RABGAP1L: variants seen among roughly 807,000 people sequenced by gnomAD.
The protein encoded by RABGAP1L is RAB GTPase activating protein 1 like, also known as rab GTPase-activating protein 1-like.
Under a neutral mutation model 137.7 loss-of-function variants are expected in RABGAP1L, and 63 were observed. That is an observed-to-expected ratio of 0.46 (90% CI 0.37 to 0.56). The LOEUF is 0.56. Ranked by LOEUF, RABGAP1L falls within the 20% of genes least tolerant of loss-of-function variation. The pLI is 0.00. For missense variants in RABGAP1L, 1,095 were observed against 1,244.0 expected (o/e 0.88, Z 1.80); for synonymous variants, 431 against 433.7 (o/e 0.99, Z 0.08).
rs535130757 is a variant in RABGAP1L at position 174,461,813 on chromosome 1, T to C, written c.1710+67668T>C. On this transcript the variant is annotated intron_variant, in intron 13 of 25. Transcript: ENST00000681986. ...TATCATTTAATATAGCTTCCCACTT[T>C]AATTGAATTTTTCCTTCCAAAATTG... Among the ~76,000 whole-genome samples the C allele has an allele frequency of 2.6e-5, 4 of 152,296 alleles. No homozygotes were observed. In the South Asian group the frequency reaches 8.3e-4, roughly 32 times the overall value.
At chr1:174,547,666 T>C (rs900682594) in intron 13 of RABGAP1L, among the ~76,000 whole-genome samples, 1 of 152,156 alleles carries the variant, frequency 6.6e-6, no homozygotes, top group Non-Finnish European at 1.5e-5. Flanking sequence ...CTTAACTTTC[T>C]TTAAATGTGT....
chr1:174,885,638 G>T (rs1179758085), intron 19 of RABGAP1L, among the ~76,000 whole-genome samples: 1 of 151,874 alleles, frequency 6.6e-6, no homozygotes, highest in Admixed American at 6.6e-5. Flanking sequence ...TTACAAGCGT[G>T]AGCTACCACA....
At chr1:174,272,305 T>C in intron 7 of RABGAP1L, 109 bp from the exon 8 acceptor site, 1 of 1,151,732 alleles carries the variant, frequency 8.7e-7, no homozygotes, top group East Asian at 2.9e-5. Flanking sequence ...CTAAAGCTTA[T>C]AAATACAGAG....
At chr1:174,364,271 T>G (rs1311871830) in intron 11 of RABGAP1L, among the ~76,000 whole-genome samples, 3 of 123,096 alleles carry the variant, frequency 2.4e-5, no homozygotes, top group African/African-American at 1.1e-4. Context: ...TTTTTTTTTT[T>G]TGAGACGGAG....
At chr1:174,971,685 G>A (rs1670144878) in intron 21 of RABGAP1L, among the ~76,000 whole-genome samples, 1 of 152,172 alleles carries the variant, frequency 6.6e-6, no homozygotes, top group Non-Finnish European at 1.5e-5. Flanking sequence ...TTACCAAAAA[G>A]CTGTCCCTGC....
chr1:174,858,969 A>G (rs1649763522), intron 19 of RABGAP1L, among the ~76,000 whole-genome samples: 1 of 152,228 alleles, frequency 6.6e-6, no homozygotes, highest in South Asian at 2.1e-4. Flanking sequence ...GGGAGTGTAA[A>G]TTAGTTCAAC....
intron 1 of RABGAP1L, among the ~76,000 whole-genome samples, chr1:174,198,006 A>G (rs1667823208): frequency 6.6e-6 from 1 of 152,208 alleles, no homozygotes; most frequent in African/African-American, 2.4e-5. Flanking sequence ...AGGAGATTAC[A>G]TAGCATACTC....
intron 11 of RABGAP1L, among the ~76,000 whole-genome samples, chr1:174,326,836 A>G (rs145066929): frequency 2.6e-5 from 4 of 152,344 alleles, no homozygotes; most frequent in East Asian, 3.9e-4. Flanking sequence ...GGGAATTTCC[A>G]TACTCCTGGA....
intron 19 of RABGAP1L, among the ~76,000 whole-genome samples, chr1:174,889,135 T>G (rs2149112120): frequency 6.6e-6 from 1 of 151,886 alleles, no homozygotes; most frequent in East Asian, 1.9e-4. Flanking sequence ...TAACTTTTTT[T>G]TTTTTTGAGA....
In RABGAP1L at chr1:174,278,606, A is replaced by G. The variant is rs1020495844; in HGVS notation, c.1157-7A>G. 1.9e-6 allele frequency: 3 copies of G among 1,600,084 alleles called. No homozygotes were observed. Among genetic ancestry groups the G allele is most frequent in the Non-Finnish European group, 2.6e-6 (3 of 1,175,668 alleles). On this transcript the variant is annotated splice_region_variant and splice_polypyrimidine_tract_variant and intron_variant, in intron 9 of 25. Transcript: ENST00000681986. The stretch of plus-strand genomic sequence containing the variant: ...CTCGCATAAAACCCAGAAAATTTCT[A>G]CTACAGATAAGCAAGTATACATGAC...
intron 19 of RABGAP1L, among the ~76,000 whole-genome samples, chr1:174,850,697 C>T (rs1648157050): frequency 6.6e-6 from 1 of 152,168 alleles, no homozygotes; most frequent in African/African-American, 2.4e-5. Flanking sequence ...TGCTCTATTA[C>T]TGATTCTGTG....
intron 19 of RABGAP1L, among the ~76,000 whole-genome samples, chr1:174,847,495 T>G (rs1487315489): frequency 1.3e-5 from 2 of 150,098 alleles, no homozygotes; most frequent in African/African-American, 2.5e-5. Flanking sequence ...GAAGCTTAGT[T>G]TGGCTGGATA....
intron 1 of RABGAP1L, among the ~76,000 whole-genome samples, chr1:174,202,935 C>T (rs939669272): frequency 3.3e-5 from 5 of 151,768 alleles, no homozygotes; most frequent in Non-Finnish European, 7.4e-5. Context: ...TTCTTTTTGT[C>T]AGGTTTGTCA....
chr1:174,245,883 G>C (rs1407559322), intron 5 of RABGAP1L: 1 of 152,068 alleles, frequency 6.6e-6, no homozygotes, highest in African/African-American at 2.4e-5. Context: ...TGATCCACCT[G>C]CCTCAGCCTC....
At chr1:174,404,066 T>C (rs1648967180) in intron 13 of RABGAP1L, among the ~76,000 whole-genome samples, 1 of 152,186 alleles carries the variant, frequency 6.6e-6, no homozygotes, top group East Asian at 1.9e-4. Flanking sequence ...CTATTGTTTC[T>C]AGGGCTATGT....
chr1:174,377,766 T>TC (rs1211982250), intron 12 of RABGAP1L, among the ~76,000 whole-genome samples: 1 of 151,984 alleles, frequency 6.6e-6, no homozygotes, highest in East Asian at 1.9e-4. Flanking sequence ...ACTCTTTTTT[T>TC]TTTTTTTAAG....
intron 3 of RABGAP1L, among the ~76,000 whole-genome samples, chr1:174,228,903 G>A (rs1376505940): frequency 6.6e-6 from 1 of 152,098 alleles, no homozygotes; most frequent in Non-Finnish European, 1.5e-5. Flanking sequence ...AGCAGAATGT[G>A]GATTTTAGGT....
At chr1:174,553,541 AAAGAG>A (rs1370307460) in intron 13 of RABGAP1L, among the ~76,000 whole-genome samples, 31 of 152,222 alleles carry the variant, frequency 2.0e-4, no homozygotes, top group Admixed American at 1.8e-3. Context: ...CTCTTCCAGA[AAAGAG>A]AAGAGGAGGG....
At chr1:174,370,208 C>G (rs933857578) in intron 11 of RABGAP1L, among the ~76,000 whole-genome samples, 2 of 152,146 alleles carry the variant, frequency 1.3e-5, no homozygotes, top group Admixed American at 1.3e-4. Flanking sequence ...ACTTCTCCAG[C>G]CTTTTCTTAT....
Sources: gnomAD v4.1 joint callset for allele counts (sites outside exome capture counted in the v4.1 genomes callset) on GRCh38, gnomAD v4.1.1 for gene constraint, MANE v1.5 for transcripts, NCBI Gene and HGNC (gene_info 2026-07-23, HGNC 2026-07-21) for gene names.